GAS7: variants seen among roughly 807,000 people sequenced by gnomAD.
GAS7 encodes the protein growth arrest specific 7.
A neutral mutation model predicts 71.1 loss-of-function variants in GAS7; 28 were observed. The observed-to-expected ratio is 0.39, with a 90% CI of 0.29 to 0.54. The LOEUF is 0.54. GAS7 is among the 20% of genes least tolerant of loss of function. The probability of loss-of-function intolerance (pLI) is 0.62; values close to 1 mark genes in which losing one functional copy is unlikely to be tolerated. For missense variants in GAS7, 436 were observed against 627.8 expected, an observed-to-expected ratio of 0.69 and a Z score of 3.27; for synonymous variants, 258 against 245.8, an observed-to-expected ratio of 1.05 and a Z score of -0.46.
chr17:10,036,667 T>C, intron 1 of GAS7: 1 of 1,363,494 alleles, frequency 7.3e-7, no homozygotes, highest in South Asian at 1.9e-5. Flanking sequence ...CCCACTACAT[T>C]GCATAGTTCC....
At chr17:10,182,044 C>T (rs576168959) in intron 1 of GAS7, among the ~76,000 whole-genome samples, 2 of 152,306 alleles carry the variant, frequency 1.3e-5, no homozygotes, top group South Asian at 2.1e-4. Context: ...CTACCCCTTT[C>T]CCAGAAATCT....
chr17:9,927,290 TACACACAC>T (rs371084335), intron 9 of GAS7, among the ~76,000 whole-genome samples: 1,517 of 116,918 alleles, frequency 0.013, 33 homozygotes, highest in African/African-American at 0.044. Context: ...CTCTACTACA[TACACACAC>T]ACACACACAC....
At chr17:10,133,752 G>A (rs191949628) in intron 1 of GAS7, among the ~76,000 whole-genome samples, 5 of 145,042 alleles carry the variant, frequency 3.4e-5, no homozygotes, top group African/African-American at 1.3e-4. Flanking sequence ...GCTTCTATGA[G>A]TTCAACTTTT....
At chr17:10,171,321 G>C (rs1215184398) in intron 1 of GAS7, among the ~76,000 whole-genome samples, 1 of 152,156 alleles carries the variant, frequency 6.6e-6, no homozygotes, top group East Asian at 1.9e-4. Context: ...GGTCCAAGCA[G>C]GGCTCTGACA....
intron 1 of GAS7, among the ~76,000 whole-genome samples, chr17:10,129,511 A>G (rs959727742): frequency 1.2e-4 from 19 of 152,176 alleles, no homozygotes; most frequent in African/African-American, 4.6e-4. Flanking sequence ...TTACAGCCTG[A>G]GTGACAGTGA....
chr17:9,928,152 G>T (rs994618360), intron 9 of GAS7, among the ~76,000 whole-genome samples: 3 of 150,492 alleles, frequency 2.0e-5, no homozygotes, highest in Non-Finnish European at 4.4e-5. Flanking sequence ...TCGCTCTGTC[G>T]CCCAGGCTGG....
chr17:10,171,777 A>AGCCTT (rs994902457), intron 1 of GAS7, among the ~76,000 whole-genome samples: 6 of 144,404 alleles, frequency 4.2e-5, no homozygotes, highest in African/African-American at 1.2e-4. Flanking sequence ...GACCTCTCTG[A>AGCCTT]GCCTTTATCT....
At position 10,005,270 on chromosome 17, in the gene GAS7, T is replaced by TGCGC. The variant is rs1225956042; in HGVS notation, c.304+14506_304+14507insGCGC. 5.8e-4 allele frequency among the ~76,000 whole-genome samples: 87 copies of TGCGC among 149,498 alleles called. 1 individual carries two copies. The highest frequency in any genetic ancestry group is 2.1e-3 in the African/African-American group (84 of 39,422). ...GCATGTGTGTGCACACATACATGTATGTATATGTATATACATGCATACATG... is the reference window on the plus strand; with the variant it reads ...GCATGTGTGTGCACACATACATGTATGCGCGTATATGTATATACATGCATACATG... On this transcript the variant is annotated intron_variant, in intron 2 of 13. Transcript: ENST00000432992.
chr17:10,147,175 G>T (rs940229948), intron 1 of GAS7, among the ~76,000 whole-genome samples: 1 of 152,090 alleles, frequency 6.6e-6, no homozygotes, highest in Non-Finnish European at 1.5e-5. Flanking sequence ...ACAAACTACT[G>T]ATCCATACCT....
chr17:9,942,210 C>T (rs746606151), intron 7 of GAS7, among the ~76,000 whole-genome samples: 15 of 151,482 alleles, frequency 9.9e-5, no homozygotes, highest in African/African-American at 2.9e-4. Flanking sequence ...GCCAAGACTG[C>T]GCAACTACAC....
At chr17:10,042,159 G>A (rs2072880613) in intron 1 of GAS7, among the ~76,000 whole-genome samples, 1 of 152,068 alleles carries the variant, frequency 6.6e-6, no homozygotes, top group African/African-American at 2.4e-5. Context: ...GCTGGGCGTG[G>A]TGGCACGTGC....
intron 1 of GAS7, among the ~76,000 whole-genome samples, chr17:10,074,952 CAA>C (rs11444410): frequency 6.9e-6 from 1 of 143,900 alleles, no homozygotes; most frequent in African/African-American, 2.5e-5. Flanking sequence ...AAAGAAACTA[CAA>C]AAAAAAAAAA....
At chr17:9,978,564 G>A (rs2070294136) in intron 3 of GAS7, among the ~76,000 whole-genome samples, 1 of 151,650 alleles carries the variant, frequency 6.6e-6, no homozygotes, top group African/African-American at 2.4e-5. Context: ...TGTAGTTCCA[G>A]CTACTTGAGA....
chr17:10,042,459 GC>G (rs1346887302), intron 1 of GAS7, among the ~76,000 whole-genome samples: 1 of 151,986 alleles, frequency 6.6e-6, no homozygotes, highest in African/African-American at 2.4e-5. Context: ...TCCATACGTG[GC>G]CCCCTGTCTG....
chr17:10,099,210 T>G (rs1470068853), intron 1 of GAS7, among the ~76,000 whole-genome samples: 1 of 152,042 alleles, frequency 6.6e-6, no homozygotes, highest in African/African-American at 2.4e-5. Context: ...GACACACCCA[T>G]CCAAACCCTC....
rs1483532054 is a variant in GAS7, at chr17:10,026,385, C to T, written c.184-6488G>A. 1 of 736,942 alleles carries T rather than the reference C, an allele frequency of 1.4e-6. No individual in the cohort carries two copies. The highest frequency in any genetic ancestry group is 1.7e-6 in the Non-Finnish European group (1 of 602,716). The allele number at this position is 736,942 out of a possible 1,614,324, so 45.7% of individuals were successfully genotyped here. On this transcript the variant is annotated intron_variant, in intron 1 of 13. Coordinates refer to ENST00000432992, the MANE Select transcript of GAS7 (RefSeq NM_201433.2). This position sits in a 1 kb window ranked among gnomAD's most constrained non-coding sequence, Gnocchi z 4.5. ...GCTCTGAAGTTGTCAGCCTAACGAG[C>T]CACTTTCTGGCAGACCCGTTGCTAT...
At chr17:10,173,371 G>A (rs185856716) in intron 1 of GAS7, among the ~76,000 whole-genome samples, 30 of 152,110 alleles carry the variant, frequency 2.0e-4, no homozygotes, top group Admixed American at 8.5e-4. Flanking sequence ...AAGGGGAGGC[G>A]GGGAAGAGGG....
chr17:9,959,596 G>A lies in GAS7; in HGVS notation c.472-341C>T. ...GTGAACGTTCCGCGTGCCGCTTGCT[G>A]CCTGAAGCCGCGGAATCCACTGGGG... On this transcript the variant is annotated intron_variant, in intron 4 of 13. Coordinates refer to ENST00000432992, the MANE Select transcript of GAS7 (RefSeq NM_201433.2). This position sits in a 1 kb window ranked among gnomAD's most constrained non-coding sequence, Gnocchi z 5.0. 1 of 524,804 alleles carries A rather than the reference G, an allele frequency of 1.9e-6. No homozygotes were observed. The highest frequency in any genetic ancestry group is 3.0e-6 in the Non-Finnish European group (1 of 334,702). 32.5% of individuals were successfully genotyped at this position (524,804 alleles called of 1,614,324 possible).
chr17:10,085,044 A>G lies in GAS7; in HGVS notation c.184-65147T>C, dbSNP rs78074865. ...CAGGCCTGACCATGCTGTTTTTGCT[A>G]TAAGACTGTTCTTATTATTCCTACT... On this transcript the variant is annotated intron_variant, in intron 1 of 13. Coordinates refer to ENST00000432992, the MANE Select transcript of GAS7 (RefSeq NM_201433.2). 6.6e-5 allele frequency among the ~76,000 whole-genome samples: 10 copies of G among 152,326 alleles called. No homozygotes were observed. The East Asian group carries it at 7.7e-4, about 12-fold the overall frequency.
Sources: allele counts gnomAD v4.1 joint callset (sites outside exome capture counted in the v4.1 genomes callset), GRCh38; gene constraint gnomAD v4.1.1; non-coding constraint Gnocchi (gnomAD v3.1); transcripts MANE v1.5; gene names NCBI Gene and HGNC (gene_info 2026-07-23, HGNC 2026-07-21).